KALRN: variants seen among roughly 807,000 people sequenced by gnomAD.
KALRN encodes the protein kalirin RhoGEF kinase, also known as kalirin.
In KALRN, 70 loss-of-function variants were observed where a neutral mutation model predicts 353.7. The observed-to-expected ratio is 0.20, with a 90% CI of 0.16 to 0.24. The LOEUF (loss-of-function observed/expected upper bound fraction) is 0.24. Ranked by LOEUF, KALRN falls within the 10% of genes least tolerant of loss-of-function variation. KALRN has a pLI of 1.00. For synonymous variants in KALRN, 1,391 were observed against 1,434.8 expected (o/e 0.97, Z 0.69); for missense variants, 2,791 against 3,756.7 (o/e 0.74, Z 6.72).
chr3:124,470,427 C>T (rs1415581355), intron 25 of KALRN, among the ~76,000 whole-genome samples: 3 of 152,100 alleles, frequency 2.0e-5, no homozygotes, highest in Non-Finnish European at 2.9e-5. Flanking sequence ...AGAAGTAAAA[C>T]AGAGTTTAAT....
chr3:124,477,764 G>A (rs2108105100), intron 27 of KALRN, among the ~76,000 whole-genome samples: 1 of 152,224 alleles, frequency 6.6e-6, no homozygotes, highest in East Asian at 1.9e-4. Flanking sequence ...GAGTTTTAAG[G>A]AGGCCTCTGG....
intron 34 of KALRN, among the ~76,000 whole-genome samples, chr3:124,607,760 A>G (rs2149516773): frequency 6.6e-6 from 1 of 151,848 alleles, no homozygotes; most frequent in Middle Eastern, 3.4e-3. Context: ...GGGATTATAG[A>G]CATGTACCAC....
At chr3:124,274,414 C>T (rs1038418982) in intron 5 of KALRN, among the ~76,000 whole-genome samples, 3 of 152,252 alleles carry the variant, frequency 2.0e-5, no homozygotes, top group South Asian at 4.1e-4. Flanking sequence ...CATAACTAGA[C>T]TTAACTGATT....
At chr3:124,326,450 A>ATGTGAATG (rs1435333911) in intron 7 of KALRN, among the ~76,000 whole-genome samples, 1 of 152,124 alleles carries the variant, frequency 6.6e-6, no homozygotes, top group Non-Finnish European at 1.5e-5. Context: ...TAGTGGTTGC[A>ATGTGAATG]TGTGCGTGTG....
At chr3:124,416,456 G>A (rs2092502266) in intron 14 of KALRN, among the ~76,000 whole-genome samples, 1 of 152,250 alleles carries the variant, frequency 6.6e-6, no homozygotes, top group South Asian at 2.1e-4. Context: ...TGTCAAAAGA[G>A]GTTTGGCCTC....
At chr3:124,631,951 G>A (rs185114132) in intron 34 of KALRN, among the ~76,000 whole-genome samples, 9 of 152,280 alleles carry the variant, frequency 5.9e-5, no homozygotes, top group African/African-American at 9.6e-5. Context: ...GCCAGATGGC[G>A]TCACCACCAC....
chr3:124,177,601 G>A (rs2072968368), intron 1 of KALRN, among the ~76,000 whole-genome samples: 1 of 152,150 alleles, frequency 6.6e-6, no homozygotes, highest in Non-Finnish European at 1.5e-5. Flanking sequence ...TACATTTTTG[G>A]TGTCTTGTAA....
intron 10 of KALRN, among the ~76,000 whole-genome samples, chr3:124,357,219 C>A (rs1274161562): frequency 6.6e-6 from 1 of 152,218 alleles, no homozygotes; most frequent in Non-Finnish European, 1.5e-5. Flanking sequence ...CTTCCATCCC[C>A]ATTGCCACTG....
chr3:124,611,460 A>G (rs976430433), intron 34 of KALRN, among the ~76,000 whole-genome samples: 1 of 152,164 alleles, frequency 6.6e-6, no homozygotes, highest in Non-Finnish European at 1.5e-5. Context: ...GAATATCCTG[A>G]TGGTTCCTAT....
chr3:124,377,975 G>T (rs2086818391), intron 10 of KALRN, among the ~76,000 whole-genome samples: 1 of 151,870 alleles, frequency 6.6e-6, no homozygotes, highest in Non-Finnish European at 1.5e-5. Flanking sequence ...GCATATAATT[G>T]GGACTTGCTT....
chr3:124,633,088 GT>G (rs1393270652), intron 35 of KALRN, among the ~76,000 whole-genome samples: 1 of 152,216 alleles, frequency 6.6e-6, no homozygotes, highest in Non-Finnish European at 1.5e-5. Context: ...GATTGTAGCT[GT>G]TTTCAAGTCT....
At chr3:124,485,581 A>C in intron 28 of KALRN, among the ~76,000 whole-genome samples, 1 of 152,122 alleles carries the variant, frequency 6.6e-6, no homozygotes, top group South Asian at 2.1e-4. Context: ...AATTATTTTT[A>C]TTTTTTTAAG....
intron 26 of KALRN, 39 bp from the exon 27 acceptor site, chr3:124,477,206 T>C: frequency 6.9e-7 from 1 of 1,444,630 alleles, no homozygotes; most frequent in Non-Finnish European, 9.7e-7. Context: ...AGGGAACAAC[T>C]AATGAATGCT....
chr3:124,134,065 G>A (rs756921476), intron 1 of KALRN, among the ~76,000 whole-genome samples: 26 of 152,096 alleles, frequency 1.7e-4, no homozygotes, highest in Non-Finnish European at 3.4e-4. Flanking sequence ...GAGAGCCCAT[G>A]GAGCCAAAGC....
intron 33 of KALRN, among the ~76,000 whole-genome samples, chr3:124,506,757 T>A (rs1430584536): frequency 6.6e-6 from 1 of 152,252 alleles, no homozygotes; most frequent in East Asian, 1.9e-4. Flanking sequence ...TCTGCAAGAA[T>A]AGAATTTTTA....
At chr3:124,259,529 C>T (rs1392915749) in intron 3 of KALRN, among the ~76,000 whole-genome samples, 1 of 152,194 alleles carries the variant, frequency 6.6e-6, no homozygotes, top group African/African-American at 2.4e-5. Flanking sequence ...TTATTATTCA[C>T]ATTTTACATT....
rs5852396 is a variant in KALRN at position 124,209,492 on chromosome 3, CAAAA to C, written c.74-18476_74-18473del. On this transcript the variant is annotated intron_variant, in intron 1 of 59. Coordinates refer to ENST00000682506, the MANE Select transcript of KALRN (RefSeq NM_001388419.1). ...CAACAGAGCAAGACTCACTCTGTCT[CAAAA>C]AAAAAAAAAAAAAAAAAAAAATCCA... Among the ~76,000 whole-genome samples, 195 of 70,032 alleles carry C rather than the reference CAAAA, an allele frequency of 2.8e-3. 1 individual carries two copies. The highest frequency in any genetic ancestry group is 0.011 in the African/African-American group (190 of 16,644). 45.9% of individuals were successfully genotyped at this position (70,032 alleles called of 152,430 possible).
intron 8 of KALRN, among the ~76,000 whole-genome samples, chr3:124,330,668 A>G (rs1157798655): frequency 6.6e-6 from 1 of 151,796 alleles, no homozygotes; most frequent in East Asian, 1.9e-4. Flanking sequence ...CTGTGTAGAT[A>G]CACATAAGTT....
chr3:124,633,655 G>T (rs1400562259), intron 35 of KALRN, among the ~76,000 whole-genome samples, 197 bp from the exon 36 acceptor site: 2 of 143,716 alleles, frequency 1.4e-5, no homozygotes, highest in Non-Finnish European at 3.0e-5. Flanking sequence ...GTGTGTGTGT[G>T]TGTTCCCCAC....
Sources: gnomAD v4.1 joint callset for allele counts (sites outside exome capture counted in the v4.1 genomes callset) on GRCh38, gnomAD v4.1.1 for gene constraint, MANE v1.5 for transcripts, NCBI Gene and HGNC (gene_info 2026-07-23, HGNC 2026-07-21) for gene names.